EPG5: variants seen among roughly 807,000 people sequenced by gnomAD.
The protein encoded by EPG5 is ectopic P-granules 5 autophagy tethering factor.
EPG5 carries 159 observed loss-of-function variants against 302.7 expected under a neutral mutation model. That is an observed-to-expected ratio of 0.53 (90% CI 0.46 to 0.60). The LOEUF is 0.60. Ranked by LOEUF, EPG5 falls within the 20% of genes least tolerant of loss-of-function variation. EPG5 has a pLI of 0.00. For synonymous variants in EPG5, 1,158 were observed against 1,136.8 expected (o/e 1.02, Z -0.37); for missense variants, 2,896 against 3,092.4 (o/e 0.94, Z 1.51).
At chr18:45,853,515 C>G (rs1373942757) in intron 43 of EPG5, among the ~76,000 whole-genome samples, 1 of 152,222 alleles carries the variant, frequency 6.6e-6, no homozygotes, top group Non-Finnish European at 1.5e-5. Context: ...CCCCAGGATT[C>G]TGACGGTGTT....
chr18:45,910,975 TAGAGGTAC>T (rs2049878782), intron 22 of EPG5, among the ~76,000 whole-genome samples: 1 of 152,028 alleles, frequency 6.6e-6, no homozygotes, highest in East Asian at 1.9e-4. Flanking sequence ...CATCACTACT[TAGAGGTAC>T]AGCATAAAGA....
At chr18:45,912,167 T>G in intron 22 of EPG5, 123 bp downstream of exon 22, 1 of 853,218 alleles carries the variant, frequency 1.2e-6, no homozygotes, top group South Asian at 2.7e-5. Flanking sequence ...AGAGAAAGAG[T>G]CCTCACCAGA....
Position 45,949,521 on chromosome 18 carries a change from G to C in EPG5, c.1460C>G (p.Pro487Arg). 1.9e-6 allele frequency: 3 copies of C among 1,613,024 alleles called. No homozygotes were observed. Among genetic ancestry groups the C allele is most frequent in the Non-Finnish European group, 2.5e-6 (3 of 1,179,336 alleles). Residue 487 changes from proline to arginine, a missense_variant, in exon 5 of 44, where the codon CCC (proline) becomes CGC (arginine). Coordinates refer to ENST00000282041, the MANE Select transcript of EPG5 (RefSeq NM_020964.3). ...LFLLNHILRC[P>R]AGVSKWAVPF... ...AACAGCCCATTTACTAACACCAGCG[G>C]GGCATCGAAGAATATGGTTTAGAAG...
the EPG5 span, among the ~76,000 whole-genome samples, chr18:45,829,334 T>G: frequency 7.2e-5 from 11 of 152,202 alleles, no homozygotes; most frequent in Non-Finnish European, 1.5e-5. Context: ...AGGGTCTGGT[T>G]TGTGCTGACA....
At chr18:45,844,572 T>C (rs370041846), downstream of EPG5, among the ~76,000 whole-genome samples, 18 of 152,242 alleles carry the variant, frequency 1.2e-4, no homozygotes, top group African/African-American at 3.6e-4. Flanking sequence ...AAAGAGGCAG[T>C]GATGCTTTTT....
the EPG5 span, among the ~76,000 whole-genome samples, chr18:45,820,694 G>A: frequency 6.6e-6 from 1 of 152,148 alleles, no homozygotes; most frequent in Non-Finnish European, 1.5e-5. Context: ...AGTGGCAGGT[G>A]GCTGAGAGAG....
chr18:45,944,181 T>A, intron 7 of EPG5, 62 bp from the exon 8 acceptor site: 8 of 983,446 alleles, frequency 8.1e-6, no homozygotes, highest in Non-Finnish European at 1.3e-5. Context: ...TGATCTAGCG[T>A]TACAGGAGCT....
At chr18:45,817,197 T>A in the EPG5 span, among the ~76,000 whole-genome samples, 1 of 151,836 alleles carries the variant, frequency 6.6e-6, no homozygotes, top group African/African-American at 2.4e-5. Context: ...TGCACCAAAA[T>A]CTCACAAATC....
chr18:45,906,428 T>C (rs1168577398), intron 24 of EPG5, among the ~76,000 whole-genome samples: 1 of 152,166 alleles, frequency 6.6e-6, no homozygotes, highest in Admixed American at 6.6e-5. Flanking sequence ...TGCACCTTTC[T>C]GAACATGCCC....
In EPG5 at chr18:45,914,311, G is replaced by A. The variant is rs909017395; in HGVS notation, c.3694-483C>T. ...TGCTGGTAAGAGAATCCGCTAGGCAGAGACAAAAAGAGGAAAAGCCCGGGA... is the reference window on the plus strand; with the variant it reads ...TGCTGGTAAGAGAATCCGCTAGGCAAAGACAAAAAGAGGAAAAGCCCGGGA... On this transcript the variant is annotated intron_variant, in intron 20 of 43. Coordinates refer to ENST00000282041, the MANE Select transcript of EPG5 (RefSeq NM_020964.3). Among the ~76,000 whole-genome samples, 54 of 152,374 alleles carry A rather than the reference G, an allele frequency of 3.5e-4. 1 individual carries two copies. Among genetic ancestry groups the A allele is most frequent in the African/African-American group, 1.2e-3 (49 of 41,596 alleles).
At chr18:45,893,514 C>T (rs1214067237) in intron 27 of EPG5, among the ~76,000 whole-genome samples, 1 of 150,862 alleles carries the variant, frequency 6.6e-6, no homozygotes, top group Non-Finnish European at 1.5e-5. Context: ...GATCGCACCA[C>T]TGCACTCCAG....
Position 45,880,231 on chromosome 18 carries a change from C to A in EPG5, c.5519-8G>T. 6.3e-7 allele frequency: 1 copy of A among 1,580,284 alleles called. No individual in the cohort carries two copies. The highest frequency in any genetic ancestry group is 8.6e-7 in the Non-Finnish European group (1 of 1,161,988). ...GAAGCTGCTCCGCGGAGCCTGCCAG[C>A]AGGGACAGGAAGAGCAAGTCAGTGG... On this transcript the variant is annotated splice_polypyrimidine_tract_variant and splice_region_variant and intron_variant, in intron 31 of 43. Coordinates refer to ENST00000282041, the MANE Select transcript of EPG5 (RefSeq NM_020964.3).
chr18:45,837,584 CTG>C, the EPG5 span: 1 of 1,512,366 alleles, frequency 6.6e-7, no homozygotes, highest in South Asian at 1.2e-5. Context: ...CGCGGCAGTG[CTG>C]CCCTGCACCT....
At chr18:45,895,829 C>G (rs1194551868) in intron 27 of EPG5, among the ~76,000 whole-genome samples, 1 of 152,196 alleles carries the variant, frequency 6.6e-6, no homozygotes, top group South Asian at 2.1e-4. Context: ...ATGACAGTTT[C>G]ATGATGAGTC....
rs143806095 is a variant in EPG5 at position 45,940,203 on chromosome 18, C to T, written c.1944-448G>A. On this transcript the variant is annotated intron_variant, in intron 9 of 43. Transcript: ENST00000282041. Reference sequence around the variant, plus strand: ...GTAGAAGAAACAGCCAATGCAAAAGCGCCGAGGGGTGTCAGGTATGTTTAG... The same window carrying T: ...GTAGAAGAAACAGCCAATGCAAAAGTGCCGAGGGGTGTCAGGTATGTTTAG... Among the ~76,000 whole-genome samples the T allele has an allele frequency of 5.1e-3, 776 of 152,198 alleles. 6 individuals are homozygous for T. Among genetic ancestry groups the T allele is most frequent in the African/African-American group, 0.017 (688 of 41,504 alleles).
chr18:45,963,160 C>A (rs1465831352), intron 1 of EPG5, among the ~76,000 whole-genome samples: 1 of 152,118 alleles, frequency 6.6e-6, no homozygotes, highest in East Asian at 1.9e-4. Flanking sequence ...GAAATGTTGA[C>A]AAAGTAACCA....
intron 26 of EPG5, among the ~76,000 whole-genome samples, chr18:45,900,460 C>T (rs1224226010): frequency 6.6e-6 from 1 of 151,322 alleles, no homozygotes; most frequent in Admixed American, 6.6e-5. Flanking sequence ...AAGTAAGGCT[C>T]GCTTACTGTT....
At position 45,882,266 on chromosome 18, in the gene EPG5, A is replaced by C. The variant is rs757298239; in HGVS notation, c.5518+8T>G. On this transcript the variant is annotated splice_region_variant and intron_variant, in intron 31 of 43. Coordinates refer to ENST00000282041, the MANE Select transcript of EPG5 (RefSeq NM_020964.3). Reference sequence around the variant, plus strand: ...TCTAGTTAGTTACAATTAAATGAAGACACTTACTTTGCATAAGCAGCCTGA... The same window carrying C: ...TCTAGTTAGTTACAATTAAATGAAGCCACTTACTTTGCATAAGCAGCCTGA... 2 of 1,602,794 alleles carry C rather than the reference A, an allele frequency of 1.2e-6. No individual in the cohort carries two copies. Among genetic ancestry groups the C allele is most frequent in the East Asian group, 4.5e-5 (2 of 44,832 alleles).
In EPG5 at chr18:45,875,085, T is replaced by A. The variant is rs189280258; in HGVS notation, c.6049+1151A>T. Among the ~76,000 whole-genome samples, 3 of 152,310 alleles carry A rather than the reference T, an allele frequency of 2.0e-5. No homozygotes were observed. In the East Asian group the frequency reaches 5.8e-4, roughly 29 times the overall value. ...ATTGAGGCCAGCCCGCAAGTGAGTTTGGGGTTTCATTTCATGTAACTGGTA... is the reference window on the plus strand; with the variant it reads ...ATTGAGGCCAGCCCGCAAGTGAGTTAGGGGTTTCATTTCATGTAACTGGTA... On this transcript the variant is annotated intron_variant, in intron 35 of 43. Transcript: ENST00000282041.
Sources: gnomAD v4.1 joint callset for allele counts (sites outside exome capture counted in the v4.1 genomes callset) on GRCh38, gnomAD v4.1.1 for gene constraint, MANE v1.5 for transcripts, NCBI Gene and HGNC (gene_info 2026-07-23, HGNC 2026-07-21) for gene names.